The following ATP8A2 variants were observed in gnomAD, a reference collection of about 807,000 sequenced individuals.
ATP8A2 encodes phospholipid-transporting ATPase IB.
Under a neutral mutation model 165.6 loss-of-function variants are expected in ATP8A2, and 100 were observed. That is an observed-to-expected ratio of 0.60 (90% confidence interval 0.51 to 0.71). The LOEUF (loss-of-function observed/expected upper bound fraction) is 0.71, where lower values mean the gene tolerates loss of function less well. Ranked by LOEUF, ATP8A2 falls within the 30% of genes least tolerant of loss-of-function variation. The probability of loss-of-function intolerance (pLI) is 0.00; values close to 1 mark genes in which losing one functional copy is unlikely to be tolerated. For missense variants in ATP8A2, 1,227 were observed against 1,479.5 expected (o/e 0.83, Z 2.80); for synonymous variants, 543 against 548.8 (o/e 0.99, Z 0.15).
chr13:25,690,256 C>T (rs980868990), intron 24 of ATP8A2, among the ~76,000 whole-genome samples: 1 of 151,922 alleles, frequency 6.6e-6, no homozygotes, highest in African/African-American at 2.4e-5. Flanking sequence ...TAAATAGTCT[C>T]TTTCTTACAA....
intron 24 of ATP8A2, 39 bp downstream of exon 24, chr13:25,589,738 C>T: frequency 8.0e-7 from 1 of 1,256,524 alleles, no homozygotes; most frequent in South Asian, 1.3e-5. Flanking sequence ...TTTGCTATAA[C>T]AGTATTAAAC....
chr13:25,681,532 A>G (rs1204355593), intron 24 of ATP8A2, among the ~76,000 whole-genome samples: 1 of 152,152 alleles, frequency 6.6e-6, no homozygotes, highest in Non-Finnish European at 1.5e-5. Flanking sequence ...TGTTCAGTCC[A>G]CGCAGGGAAA....
chr13:25,978,051 A>G (rs1297444150), intron 35 of ATP8A2, among the ~76,000 whole-genome samples: 3 of 152,126 alleles, frequency 2.0e-5, no homozygotes, highest in African/African-American at 7.2e-5. Flanking sequence ...TTACTGATGA[A>G]TTTATTCTCA....
At chr13:25,851,299 C>T (rs1952000646) in intron 30 of ATP8A2, among the ~76,000 whole-genome samples, 1 of 152,176 alleles carries the variant, frequency 6.6e-6, no homozygotes, top group African/African-American at 2.4e-5. Flanking sequence ...AATGCATTGT[C>T]AGCCGGATGC....
chr13:25,844,917 ACTT>A (rs1313506033), intron 30 of ATP8A2, among the ~76,000 whole-genome samples: 1 of 152,336 alleles, frequency 6.6e-6, no homozygotes, highest in East Asian at 1.9e-4. Context: ...ACAGAAGCAC[ACTT>A]CTTCTTGGGA....
At position 26,023,674 on chromosome 13, in the gene ATP8A2, T is replaced by G. The variant is rs1957117894; in HGVS notation, c.*3689T>G. 6.6e-6 allele frequency: 1 copy of G among 152,304 alleles called. No homozygotes were observed. The highest frequency in any genetic ancestry group is 1.5e-5 in the Non-Finnish European group (1 of 68,028). 9.4% of individuals were successfully genotyped at this position (152,304 alleles called of 1,614,324 possible). A position where few individuals can be genotyped will look rare whatever the true frequency, so the allele number is the denominator to read the frequency against. On this transcript the variant is annotated 3_prime_UTR_variant, in exon 37 of 37. Transcript: ENST00000381655. ...TATCAGGTACCTCTGTTCCAAGGGATTTATGTCTTAGACCATAGCTGAATT... is the reference window on the plus strand; with the variant it reads ...TATCAGGTACCTCTGTTCCAAGGGAGTTATGTCTTAGACCATAGCTGAATT...
chr13:25,513,050 G>A (rs2037317044), intron 2 of ATP8A2, among the ~76,000 whole-genome samples: 1 of 150,886 alleles, frequency 6.6e-6, no homozygotes, highest in African/African-American at 2.4e-5. Context: ...CGGCTGGCCT[G>A]GCGGGGGCTG....
chr13:25,995,724 T>C (rs1202297345), intron 35 of ATP8A2, among the ~76,000 whole-genome samples: 1 of 152,130 alleles, frequency 6.6e-6, no homozygotes, highest in Non-Finnish European at 1.5e-5. Flanking sequence ...TTGTTATATA[T>C]TCCATGTGCA....
At chr13:25,546,782 T>G (rs1477539592) in intron 10 of ATP8A2, among the ~76,000 whole-genome samples, 2 of 152,152 alleles carry the variant, frequency 1.3e-5, no homozygotes, top group African/African-American at 2.4e-5. Flanking sequence ...TGAGGAGGCT[T>G]GCAGCATAGA....
intron 24 of ATP8A2, among the ~76,000 whole-genome samples, chr13:25,694,546 T>C (rs1287104044): frequency 6.6e-6 from 1 of 152,226 alleles, no homozygotes; most frequent in Non-Finnish European, 1.5e-5. Context: ...AAGCTGGCAT[T>C]TCCCCAGGTC....
At chr13:25,402,664 T>A (rs2033674536) in intron 1 of ATP8A2, among the ~76,000 whole-genome samples, 1 of 152,116 alleles carries the variant, frequency 6.6e-6, no homozygotes, top group Admixed American at 6.5e-5. Flanking sequence ...AACGTTTGTG[T>A]CCCCAGTGCA....
chr13:25,687,036 A>G (rs1476687608), intron 24 of ATP8A2, among the ~76,000 whole-genome samples: 1 of 152,074 alleles, frequency 6.6e-6, no homozygotes, highest in Non-Finnish European at 1.5e-5. Flanking sequence ...TAACATCTCA[A>G]ATACTTTCCA....
intron 2 of ATP8A2, among the ~76,000 whole-genome samples, chr13:25,481,756 A>G (rs1018070153): frequency 1.3e-5 from 2 of 152,174 alleles, no homozygotes; most frequent in Non-Finnish European, 2.9e-5. Flanking sequence ...TGGCTTGCAG[A>G]TAGCTGCTTT....
At chr13:25,480,316 G>A (rs1266915869) in intron 2 of ATP8A2, among the ~76,000 whole-genome samples, 8 of 151,620 alleles carry the variant, frequency 5.3e-5, no homozygotes, top group Non-Finnish European at 8.9e-5. Flanking sequence ...CCTCCCTCCC[G>A]GACGGGGCGG....
At chr13:25,829,696 A>G (rs1167904786) in intron 28 of ATP8A2, among the ~76,000 whole-genome samples, 6 of 61,630 alleles carry the variant, frequency 9.7e-5, no homozygotes, top group African/African-American at 2.3e-4. Flanking sequence ...ATATATATAT[A>G]TATATATATA....
At chr13:25,915,267 G>A (rs1954237805) in intron 33 of ATP8A2, among the ~76,000 whole-genome samples, 1 of 152,234 alleles carries the variant, frequency 6.6e-6, no homozygotes, top group Non-Finnish European at 1.5e-5. Flanking sequence ...AACGGGTTGT[G>A]TATCAGTCAG....
At chr13:25,772,013 A>G (rs893688358) in intron 26 of ATP8A2, among the ~76,000 whole-genome samples, 2 of 152,230 alleles carry the variant, frequency 1.3e-5, no homozygotes, top group African/African-American at 2.4e-5. Flanking sequence ...TGTTAGCTCA[A>G]AGACTTACCT....
chr13:25,435,946 TGTGTGA>T (rs1231957056), intron 1 of ATP8A2, among the ~76,000 whole-genome samples: 18 of 60,400 alleles, frequency 3.0e-4, no homozygotes, highest in African/African-American at 7.7e-4. Flanking sequence ...TGTGTGTGTG[TGTGTGA>T]GTGTGTGTGT....
intron 16 of ATP8A2, among the ~76,000 whole-genome samples, chr13:25,565,093 G>A (rs1051059673): frequency 6.6e-6 from 1 of 151,994 alleles, no homozygotes; most frequent in South Asian, 2.1e-4. Context: ...TTATATGTAT[G>A]TATATGTGTA....
Sources: allele counts gnomAD v4.1 joint callset (sites outside exome capture counted in the v4.1 genomes callset), GRCh38; gene constraint gnomAD v4.1.1; transcripts MANE v1.5; gene names NCBI Gene and HGNC (gene_info 2026-07-23, HGNC 2026-07-21).